Variants in BDKRB2 observed in about 807,000 individuals in gnomAD.
BDKRB2 encodes bradykinin receptor B2.
Under a neutral mutation model 4.0 loss-of-function variants are expected in BDKRB2, and 6 were observed. The ratio of observed to expected loss-of-function variants is 1.49; its 90% CI spans 0.81 to 2.93. The LOEUF is 2.93. Among genes scored for constraint, BDKRB2 ranks in the 30% most tolerant of loss-of-function variants. The probability of loss-of-function intolerance (pLI) is 0.00; values close to 1 mark genes in which losing one functional copy is unlikely to be tolerated. For synonymous variants in BDKRB2, 225 were observed against 215.3 expected (o/e 1.05, Z -0.40); for missense variants, 478 against 520.1 (o/e 0.92, Z 0.79).
At chr14:96,212,846 G>T (rs936200857) in intron 1 of BDKRB2, among the ~76,000 whole-genome samples, 1 of 152,116 alleles carries the variant, frequency 6.6e-6, no homozygotes, top group African/African-American at 2.4e-5. Context: ...CCTATAGAAA[G>T]GTAGGATAGC....
At chr14:96,209,863 G>C (rs1197754915) in intron 1 of BDKRB2, among the ~76,000 whole-genome samples, 1 of 152,114 alleles carries the variant, frequency 6.6e-6, no homozygotes, top group Non-Finnish European at 1.5e-5. Flanking sequence ...AGGCACGGTG[G>C]TGCATGCCTG....
chr14:96,239,771 G>A (rs1885223196), intron 2 of BDKRB2: 1 of 983,176 alleles, frequency 1.0e-6, no homozygotes, highest in African/African-American at 1.7e-5. Context: ...CAGCCAGGAT[G>A]TGAACCCAGT....
At chr14:96,225,191 G>A (rs932207000) in intron 1 of BDKRB2, among the ~76,000 whole-genome samples, 42 of 152,164 alleles carry the variant, frequency 2.8e-4, no homozygotes, top group African/African-American at 9.4e-4. Flanking sequence ...AAGACATTAC[G>A]GTTGTACAAA....
chr14:96,208,985 C>T (rs975146834), intron 1 of BDKRB2, among the ~76,000 whole-genome samples: 2 of 152,172 alleles, frequency 1.3e-5, no homozygotes, highest in African/African-American at 2.4e-5. Context: ...AGCACAGCCC[C>T]GTCGCTTCTG....
chr14:96,238,454 C>T, intron 2 of BDKRB2: 4 of 985,170 alleles, frequency 4.1e-6, no homozygotes, highest in Non-Finnish European at 4.8e-6. Context: ...ATTCGGGGGG[C>T]ATATGAAAGC....
intron 1 of BDKRB2, among the ~76,000 whole-genome samples, chr14:96,217,886 G>A (rs17093915): frequency 2.2e-4 from 34 of 152,126 alleles, no homozygotes; most frequent in African/African-American, 7.2e-4. Flanking sequence ...TCTGCCTTAC[G>A]CTTTTGACCA....
rs397789225 is a variant in BDKRB2 at position 96,243,023 on chromosome 14, C to CG, written c.*1519_*1520insG. On this transcript the variant is annotated 3_prime_UTR_variant, in exon 3 of 3. Coordinates refer to ENST00000554311, the MANE Select transcript of BDKRB2 (RefSeq NM_001379692.1). The stretch of plus-strand genomic sequence containing the variant: ...AGAACTAGAACCTGGAGGGCTAGAA[C>CG]TGGAGAGGCTAGAACCAAGAAGGGC... 1.1e-3 allele frequency: 6 copies of CG among 5,630 alleles called. No homozygotes were observed. In the African/African-American group the frequency reaches 0.011, roughly 10 times the overall value. 0.3% of individuals were successfully genotyped at this position (5,630 alleles called of 1,614,324 possible).
At chr14:96,223,888 A>C (rs888721934) in intron 1 of BDKRB2, among the ~76,000 whole-genome samples, 1 of 152,118 alleles carries the variant, frequency 6.6e-6, no homozygotes, top group African/African-American at 2.4e-5. Context: ...CAAACAACCC[A>C]ATGTGTAAAG....
At position 96,241,391 on chromosome 14, in the gene BDKRB2, G is replaced by T; in HGVS notation, c.1063G>T (p.Gly355Cys). The T allele has an allele frequency of 6.2e-7, 1 of 1,612,840 alleles. No homozygotes were observed. ...GTACCAGGGAGTGTGCCAGAAAGGG[G>T]GCTGCAGGTCAGAACCCATTCAGAT... ...EVYQGVCQKGGCRSEPIQMEN... is the reference protein window; with the variant it reads ...EVYQGVCQKGCCRSEPIQMEN... The change falls in exon 3 of 3, where the codon GGC becomes TGC. Residue 355 changes from glycine (G) to cysteine (C), a missense_variant. Physicochemically the swap from Gly to Cys is radical, Grantham distance 159. Coordinates refer to ENST00000554311, the MANE Select transcript of BDKRB2 (RefSeq NM_001379692.1).
At chr14:96,237,535 T>A (rs1890964792) in intron 2 of BDKRB2, among the ~76,000 whole-genome samples, 1 of 152,126 alleles carries the variant, frequency 6.6e-6, no homozygotes, top group South Asian at 2.1e-4. Context: ...AGACAAAATA[T>A]CTCCAACACA....
At chr14:96,234,522 G>A (rs185714405) in intron 1 of BDKRB2, among the ~76,000 whole-genome samples, 42 of 152,268 alleles carry the variant, frequency 2.8e-4, no homozygotes, top group African/African-American at 9.4e-4. Flanking sequence ...GAGAAGCCAG[G>A]AGGTGACCTG....
chr14:96,206,895 A>G (rs1890195316), intron 1 of BDKRB2, among the ~76,000 whole-genome samples: 1 of 152,180 alleles, frequency 6.6e-6, no homozygotes, highest in African/African-American at 2.4e-5. Flanking sequence ...AGATCAAGGC[A>G]CTGGCAGATT....
chr14:96,237,857 C>G, intron 2 of BDKRB2: 1 of 1,288,988 alleles, frequency 7.8e-7, no homozygotes. Flanking sequence ...GGCCAGGATC[C>G]ATCCCCTTGG....
At chr14:96,215,373 A>T (rs1287195893) in intron 1 of BDKRB2, among the ~76,000 whole-genome samples, 1 of 151,614 alleles carries the variant, frequency 6.6e-6, no homozygotes, top group Non-Finnish European at 1.5e-5. Flanking sequence ...GGTCCTAAAC[A>T]TTTAGGTTGT....
intron 1 of BDKRB2, among the ~76,000 whole-genome samples, chr14:96,234,738 G>T (rs1890893831): frequency 6.6e-6 from 1 of 152,228 alleles, no homozygotes. Flanking sequence ...CCACTAGCAA[G>T]CAATTAGGAT....
intron 1 of BDKRB2, among the ~76,000 whole-genome samples, chr14:96,225,294 G>T (rs1566691487): frequency 6.6e-6 from 1 of 152,122 alleles, no homozygotes; most frequent in Non-Finnish European, 1.5e-5. Context: ...GGCACACCTG[G>T]TCCTGGGCCT....
At chr14:96,231,896 A>G (rs78352713) in intron 1 of BDKRB2, among the ~76,000 whole-genome samples, 2 of 152,146 alleles carry the variant, frequency 1.3e-5, no homozygotes, top group African/African-American at 4.8e-5. Flanking sequence ...GAGATAGGAG[A>G]TGCAGAGGGA....
chr14:96,210,016 AATC>A (rs200950468), intron 1 of BDKRB2, among the ~76,000 whole-genome samples: 28,659 of 135,912 alleles, frequency 0.21, 3,024 homozygotes, highest in African/African-American at 0.28. Flanking sequence ...TAATAATAAT[AATC>A]ATCATCATCA....
chr14:96,239,719 C>T (rs536126148), intron 2 of BDKRB2: 25 of 945,536 alleles, frequency 2.6e-5, no homozygotes, highest in East Asian at 2.3e-4. Context: ...GGTTCAAGGA[C>T]GTTAAGTAAC....
Sources: allele counts gnomAD v4.1 joint callset (sites outside exome capture counted in the v4.1 genomes callset), GRCh38; gene constraint gnomAD v4.1.1; transcripts MANE v1.5; gene names NCBI Gene and HGNC (gene_info 2026-07-23, HGNC 2026-07-21).